Variants in MECOM observed in about 807,000 individuals in gnomAD.
MECOM encodes the protein histone-lysine N-methyltransferase MECOM.
Under a neutral mutation model 116.3 loss-of-function variants are expected in MECOM, and 13 were observed. That is an observed-to-expected ratio of 0.11 (90% CI 0.07 to 0.18). MECOM has a LOEUF of 0.18. Ranked by LOEUF, MECOM falls within the 10% of genes least tolerant of loss-of-function variation. The pLI, the probability that MECOM is intolerant of heterozygous loss-of-function variation, is 1.00. For missense variants in MECOM, 1,299 were observed against 1,509.0 expected (o/e 0.86, Z 2.31); for synonymous variants, 528 against 535.2 (o/e 0.99, Z 0.19).
In MECOM at chr3:169,329,416, G is replaced by A. The variant is rs898996476; in HGVS notation, c.375+51771C>T. On this transcript the variant is annotated intron_variant, in intron 2 of 16. Coordinates refer to ENST00000651503, the MANE Select transcript of MECOM (RefSeq NM_004991.4). The stretch of plus-strand genomic sequence containing the variant: ...CAAAGAAGAAGTCTCAAAATGCTTG[G>A]GACATTGTTACCTTCAAAACTATGT... 2.6e-5 allele frequency among the ~76,000 whole-genome samples: 4 copies of A among 152,134 alleles called. No homozygotes were observed. The South Asian group carries it at 8.3e-4, about 32-fold the overall frequency.
intron 7 of MECOM, among the ~76,000 whole-genome samples, chr3:169,120,378 G>A (rs1381971055): frequency 1.3e-5 from 2 of 152,226 alleles, no homozygotes; most frequent in South Asian, 2.1e-4. Context: ...GTACAGGGAT[G>A]TTCTAAGTAG....
intron 7 of MECOM, 183 bp downstream of exon 7, chr3:169,120,873 A>C (rs1730791637): frequency 1.9e-6 from 1 of 526,330 alleles, no homozygotes; most frequent in Non-Finnish European, 3.0e-6. Context: ...GGAATCAAGG[A>C]CAAAATACCA....
chr3:169,551,960 TAC>T (rs762885414), intron 1 of MECOM, among the ~76,000 whole-genome samples: 4 of 152,100 alleles, frequency 2.6e-5, no homozygotes, highest in South Asian at 2.1e-4. Flanking sequence ...CCCAAAATGC[TAC>T]ATACTGTGTG....
chr3:169,545,261 CACTCTGCT>C (rs1184566685), intron 1 of MECOM, among the ~76,000 whole-genome samples: 1 of 152,054 alleles, frequency 6.6e-6, no homozygotes, highest in Non-Finnish European at 1.5e-5. Flanking sequence ...ACATAATAGG[CACTCTGCT>C]ACATGGCTTA....
chr3:169,660,686 G>A (rs915714273), intron 1 of MECOM, among the ~76,000 whole-genome samples: 1 of 152,122 alleles, frequency 6.6e-6, no homozygotes, highest in Non-Finnish European at 1.5e-5. Flanking sequence ...CCCAGAAAAA[G>A]AAAAACTGGT....
chr3:169,622,198 T>A (rs1577150845), intron 1 of MECOM, among the ~76,000 whole-genome samples: 1 of 152,146 alleles, frequency 6.6e-6, no homozygotes, highest in South Asian at 2.1e-4. Flanking sequence ...CAAGCGATTC[T>A]CCTGCCTCAG....
intron 10 of MECOM, 77 bp from the exon 11 acceptor site, chr3:169,102,303 T>A: frequency 7.3e-7 from 1 of 1,370,258 alleles, no homozygotes; most frequent in Non-Finnish European, 9.9e-7. Context: ...ACCAAGGACA[T>A]CATTAAAAGG....
At chr3:169,101,137 C>G (rs1341188342) in intron 11 of MECOM, among the ~76,000 whole-genome samples, 175 bp from the exon 12 acceptor site, 1 of 150,888 alleles carries the variant, frequency 6.6e-6, no homozygotes, top group Non-Finnish European at 1.5e-5. Context: ...ATAAATAACT[C>G]TACAAATAAA....
intron 1 of MECOM, among the ~76,000 whole-genome samples, chr3:169,390,595 G>A (rs1196673645): frequency 6.6e-6 from 1 of 152,138 alleles, no homozygotes; most frequent in Non-Finnish European, 1.5e-5. Flanking sequence ...TTAAAGGTGG[G>A]CAGAGACATG....
At chr3:169,480,169 T>C (rs919322106) in intron 1 of MECOM, among the ~76,000 whole-genome samples, 33 of 152,228 alleles carry the variant, frequency 2.2e-4, no homozygotes, top group African/African-American at 7.7e-4. Flanking sequence ...TCAAATATAA[T>C]TGTGTTTTTT....
At chr3:169,496,171 A>G (rs537101813) in intron 1 of MECOM, among the ~76,000 whole-genome samples, 1 of 152,330 alleles carries the variant, frequency 6.6e-6, no homozygotes, top group Non-Finnish European at 1.5e-5. Context: ...ATTTCTCACC[A>G]TTGAAAACAT....
At chr3:169,594,176 A>AAAAAAAAAAAAAAC (rs1553894631) in intron 1 of MECOM, among the ~76,000 whole-genome samples, 17 of 139,810 alleles carry the variant, frequency 1.2e-4, no homozygotes, top group African/African-American at 2.3e-4. Flanking sequence ...AAAAAAAAAA[A>AAAAAAAAAAAAAAC]CACCTTTTCA....
At chr3:169,334,971 A>C (rs1267556875) in intron 2 of MECOM, among the ~76,000 whole-genome samples, 1 of 152,180 alleles carries the variant, frequency 6.6e-6, no homozygotes, top group Non-Finnish European at 1.5e-5. Context: ...AGTTCAAAAG[A>C]GGAAAAATAG....
rs1247738236 is a variant in MECOM, at chr3:169,611,213, A to G, written c.37+52123T>C. ...TTCTGTCTCTTGGGAAACTGCCTCT[A>G]TGATAGGCATTTGCAAATTCACCAA... On this transcript the variant is annotated intron_variant, in intron 1 of 16. Transcript: ENST00000651503. The surrounding 1 kb of genome is among the most constrained non-coding windows in gnomAD (Gnocchi z 4.1). 6.6e-6 allele frequency among the ~76,000 whole-genome samples: 1 copy of G among 152,232 alleles called. No individual in the cohort carries two copies. The highest frequency in any genetic ancestry group is 1.5e-5 in the Non-Finnish European group (1 of 68,044).
In MECOM at chr3:169,333,477, C is replaced by T. The variant is rs1723081329; in HGVS notation, c.375+47710G>A. Among the ~76,000 whole-genome samples the T allele has an allele frequency of 2.0e-5, 3 of 152,148 alleles. 1 individual carries two copies. In the South Asian group the frequency reaches 6.2e-4, roughly 32 times the overall value. On this transcript the variant is annotated intron_variant, in intron 2 of 16. Coordinates refer to ENST00000651503, the MANE Select transcript of MECOM (RefSeq NM_004991.4). ...TTGGCCAGTTGCTTGGTTGACATCC[C>T]TCCCCAATTTGATCTCTTCTTATTT...
At chr3:169,266,560 T>C (rs1310596846) in intron 2 of MECOM, among the ~76,000 whole-genome samples, 6 of 152,196 alleles carry the variant, frequency 3.9e-5, no homozygotes, top group Admixed American at 3.9e-4. Flanking sequence ...AGAACCAGTG[T>C]CTCACTGAAC....
At chr3:169,395,801 A>G (rs1217889219) in intron 1 of MECOM, among the ~76,000 whole-genome samples, 2 of 152,342 alleles carry the variant, frequency 1.3e-5, no homozygotes, top group East Asian at 3.9e-4. Flanking sequence ...GCCATGAACT[A>G]GCCATACCTT....
Position 169,287,636 on chromosome 3 carries a change from C to A in MECOM, c.375+93551G>T, listed in dbSNP as rs189352247. Among the ~76,000 whole-genome samples the A allele has an allele frequency of 2.7e-4, 41 of 152,148 alleles. No individual in the cohort carries two copies. In the East Asian group the frequency reaches 7.1e-3, roughly 26 times the overall value. On this transcript the variant is annotated intron_variant, in intron 2 of 16. Transcript: ENST00000651503. The stretch of plus-strand genomic sequence containing the variant: ...AAATGCATGAAGCTGGTGTTCAAAT[C>A]CTATATTCATTTTTTTCATTCCTAA...
intron 1 of MECOM, among the ~76,000 whole-genome samples, chr3:169,425,294 C>G (rs543512864): frequency 1.3e-5 from 2 of 152,268 alleles, no homozygotes; most frequent in Middle Eastern, 6.8e-3. Context: ...TGTCCATGCT[C>G]TTTGCACGAG....
Sources: gnomAD v4.1 joint callset for allele counts (sites outside exome capture counted in the v4.1 genomes callset) on GRCh38, gnomAD v4.1.1 for gene constraint, Gnocchi (gnomAD v3.1) non-coding constraint, MANE v1.5 for transcripts, NCBI Gene and HGNC (gene_info 2026-07-23, HGNC 2026-07-21) for gene names.